The following PLOD2 variants were observed in gnomAD, a reference collection of about 807,000 sequenced individuals.
PLOD2 encodes the protein procollagen-lysine,2-oxoglutarate 5-dioxygenase 2, also known as lysine hydroxylase 2.
A neutral mutation model predicts 101.0 loss-of-function variants in PLOD2; 65 were observed. The ratio of observed to expected loss-of-function variants is 0.64; its 90% CI spans 0.53 to 0.79. The LOEUF (loss-of-function observed/expected upper bound fraction) is 0.79, where lower values mean the gene tolerates loss of function less well. PLOD2 is among the 30% of genes least tolerant of loss of function. The pLI is 0.00. For missense variants in PLOD2, 909 were observed against 914.6 expected, an observed-to-expected ratio of 0.99 and a Z score of 0.08; for synonymous variants, 314 against 302.9, an observed-to-expected ratio of 1.04 and a Z score of -0.38.
intron 14 of PLOD2, chr3:146,077,240 C>G: frequency 1.2e-6 from 1 of 840,568 alleles, no homozygotes; most frequent in Non-Finnish European, 1.4e-6. Context: ...ATGAATTATA[C>G]CTCTTTTGGC....
chr3:146,122,898 C>T (rs548394284), intron 2 of PLOD2, among the ~76,000 whole-genome samples: 42 of 152,216 alleles, frequency 2.8e-4, no homozygotes, highest in Admixed American at 5.9e-4. Flanking sequence ...TGAACCCTAA[C>T]GATTCCCCAA....
rs1266860345 is a variant in PLOD2, at chr3:146,106,582, CATT to C, written c.562_564del (p.Asn188del). ...TTAGTGTAAAAGAGCTGATCATCAT[CATT>C]ATCCTGGAGATTCCATTGTTGAACT... On this transcript the variant is annotated inframe_deletion, in exon 5 of 20. Coordinates refer to ENST00000282903, the MANE Select transcript of PLOD2 (RefSeq NM_182943.3). 1.2e-5 allele frequency: 19 copies of C among 1,598,676 alleles called. No homozygotes were observed. The highest frequency in any genetic ancestry group is 1.5e-5 in the Non-Finnish European group (18 of 1,166,274).
At chr3:146,077,248 G>C (rs1195809239) in intron 14 of PLOD2, 1 of 771,228 alleles carries the variant, frequency 1.3e-6, no homozygotes, top group Non-Finnish European at 1.6e-6. Flanking sequence ...TACCTCTTTT[G>C]GCTTCTTTCT....
At chr3:146,073,247 A>G in intron 16 of PLOD2, 40 bp downstream of exon 16, 1 of 798,406 alleles carries the variant, frequency 1.3e-6, no homozygotes, top group Non-Finnish European at 2.1e-6. Flanking sequence ...CTGGAAAATA[A>G]CAGCAAAATT....
At chr3:146,089,766 ATATC>A (rs750710199) in intron 8 of PLOD2, among the ~76,000 whole-genome samples, 3 of 151,604 alleles carry the variant, frequency 2.0e-5, no homozygotes, top group Non-Finnish European at 4.4e-5. Context: ...AGAACACAAA[ATATC>A]TACTCTCCAG....
rs1472799416 is a variant in PLOD2, at chr3:146,085,145, T to C, written c.1232+24A>G. 4.0e-6 allele frequency: 4 copies of C among 997,634 alleles called. No homozygotes were observed. In the Admixed American group the frequency reaches 6.8e-5, roughly 17 times the overall value. The allele number at this position is 997,634 out of a possible 1,614,324, so 61.8% of individuals were successfully genotyped here. ...GAAAAATAATCATTTTAACAATAAA[T>C]TGATATCGAATTTTAGAAAGTACCT... On this transcript the variant is annotated intron_variant, in intron 11 of 19. Coordinates refer to ENST00000282903, the MANE Select transcript of PLOD2 (RefSeq NM_182943.3).
intron 1 of PLOD2, among the ~76,000 whole-genome samples, chr3:146,132,480 C>A (rs901774541): frequency 3.3e-5 from 5 of 151,884 alleles, no homozygotes; most frequent in African/African-American, 1.2e-4. Context: ...ATGTGAAAGA[C>A]CAAGGTGCAC....
intron 8 of PLOD2, among the ~76,000 whole-genome samples, chr3:146,089,436 G>C (rs1336642244): frequency 6.6e-6 from 1 of 151,452 alleles, no homozygotes; most frequent in Non-Finnish European, 1.5e-5. Context: ...CAAGTAGATG[G>C]GGAAGACAGG....
chr3:146,089,150 A>C (rs1936891483), intron 8 of PLOD2, among the ~76,000 whole-genome samples: 1 of 151,672 alleles, frequency 6.6e-6, no homozygotes, highest in East Asian at 1.9e-4. Context: ...AGCACATAAA[A>C]AGCAATCATG....
chr3:146,070,092 T>C lies in PLOD2; in HGVS notation c.*625A>G, dbSNP rs1559829541. On this transcript the variant is annotated 3_prime_UTR_variant, in exon 20 of 20. Transcript: ENST00000282903. The stretch of plus-strand genomic sequence containing the variant: ...TTTTTAATACTAATATAAAATAATC[T>C]GCCTTCCAATCAAAACAAAAATGTT... 6.6e-6 allele frequency: 1 copy of C among 151,960 alleles called. No individual in the cohort carries two copies. Among genetic ancestry groups the C allele is most frequent in the Non-Finnish European group, 1.5e-5 (1 of 67,894 alleles). 9.4% of individuals were successfully genotyped at this position (151,960 alleles called of 1,614,324 possible). A position where few individuals can be genotyped will look rare whatever the true frequency, so the allele number is the denominator to read the frequency against.
In PLOD2 at chr3:146,141,856, G is replaced by A. The variant is rs575974141; in HGVS notation, c.110-17627C>T. On this transcript the variant is annotated intron_variant, in intron 1 of 19. Transcript: ENST00000282903. ...AAACTAAGAATAAGTTCAACAACAC[G>A]AAGAGGATGAAAGGTTTTAACAGAG... 5.3e-5 allele frequency among the ~76,000 whole-genome samples: 8 copies of A among 152,174 alleles called. No individual in the cohort carries two copies. In the East Asian group the frequency reaches 5.8e-4, roughly 11 times the overall value.
chr3:146,156,578 G>A (rs919945194), intron 1 of PLOD2, among the ~76,000 whole-genome samples: 1 of 152,246 alleles, frequency 6.6e-6, no homozygotes, highest in Non-Finnish European at 1.5e-5. Context: ...ACAGGTAGCT[G>A]TTTGGGGTCT....
At chr3:146,100,827 T>C (rs962702249) in intron 7 of PLOD2, among the ~76,000 whole-genome samples, 11 of 152,186 alleles carry the variant, frequency 7.2e-5, no homozygotes, top group African/African-American at 2.2e-4. Flanking sequence ...TTCAACTTCA[T>C]ACCTAAGTTC....
chr3:146,114,918 G>A (rs939738910), intron 3 of PLOD2, among the ~76,000 whole-genome samples: 3 of 152,062 alleles, frequency 2.0e-5, no homozygotes, highest in Non-Finnish European at 2.9e-5. Flanking sequence ...CATTAAAATC[G>A]ACAAACTATC....
intron 13 of PLOD2, among the ~76,000 whole-genome samples, chr3:146,078,312 C>T (rs1209830109): frequency 2.0e-5 from 3 of 151,694 alleles, no homozygotes; most frequent in African/African-American, 7.3e-5. Flanking sequence ...TAATAATGCA[C>T]ACAGGTTTGT....
intron 1 of PLOD2, among the ~76,000 whole-genome samples, chr3:146,126,643 T>A (rs1479129335): frequency 1.2e-4 from 19 of 152,066 alleles, no homozygotes; most frequent in Admixed American, 1.0e-3. Context: ...GGGAAATATA[T>A]AGAATATTAA....
chr3:146,073,906 A>G (rs1412520031), intron 15 of PLOD2, among the ~76,000 whole-genome samples: 1 of 151,598 alleles, frequency 6.6e-6, no homozygotes, highest in Non-Finnish European at 1.5e-5. Context: ...ATAGTAAATT[A>G]CTCTAAATTT....
chr3:146,146,622 G>A (rs1399445417), intron 1 of PLOD2, among the ~76,000 whole-genome samples: 4 of 152,124 alleles, frequency 2.6e-5, no homozygotes, highest in African/African-American at 9.7e-5. Context: ...ACTGCCTCAT[G>A]GGCATAAGGA....
At chr3:146,124,101 A>C in intron 2 of PLOD2, 37 bp downstream of exon 2, 1 of 1,044,712 alleles carries the variant, frequency 9.6e-7, no homozygotes, top group Admixed American at 1.7e-5. Flanking sequence ...TTAGGCACAC[A>C]TTATAGGATC....
Sources: allele counts gnomAD v4.1 joint callset (sites outside exome capture counted in the v4.1 genomes callset), GRCh38; gene constraint gnomAD v4.1.1; transcripts MANE v1.5; gene names NCBI Gene and HGNC (gene_info 2026-07-23, HGNC 2026-07-21).